The following CHAT variants were observed in gnomAD, a reference collection of about 807,000 sequenced individuals.
The protein encoded by CHAT is choline O-acetyltransferase.
Under a neutral mutation model 76.9 loss-of-function variants are expected in CHAT, and 61 were observed. The observed-to-expected ratio is 0.79, with a 90% CI of 0.65 to 0.98. The LOEUF is 0.98. Ranked by LOEUF, CHAT falls within the 50% of genes least tolerant of loss-of-function variation. The pLI is 0.00. For missense variants in CHAT, 946 were observed against 986.9 expected, an observed-to-expected ratio of 0.96 and a Z score of 0.56; for synonymous variants, 407 against 397.4, an observed-to-expected ratio of 1.02 and a Z score of -0.29.
intron 5 of CHAT, among the ~76,000 whole-genome samples, chr10:49,624,734 TGGATGGATG>T (rs1838854407): frequency 6.6e-6 from 1 of 150,900 alleles, no homozygotes; most frequent in Non-Finnish European, 1.5e-5. Context: ...GATGGACGGA[TGGATGGATG>T]GATGGATGGA....
At chr10:49,656,669 CA>C (rs2132836403) in intron 13 of CHAT, among the ~76,000 whole-genome samples, 1 of 152,296 alleles carries the variant, frequency 6.6e-6, no homozygotes, top group Non-Finnish European at 1.5e-5. Flanking sequence ...AAAAGCAGAG[CA>C]CAGCTTGCAA....
intron 7 of CHAT, among the ~76,000 whole-genome samples, chr10:49,642,100 C>G (rs561553027): frequency 1.3e-5 from 2 of 152,296 alleles, no homozygotes; most frequent in South Asian, 4.1e-4. Context: ...TACTCAATCC[C>G]CACCTCTCAC....
chr10:49,648,151 A>C, intron 8 of CHAT: 1 of 383,784 alleles, frequency 2.6e-6, no homozygotes, highest in Non-Finnish European at 4.9e-6. Context: ...CCCCGATGTG[A>C]GCTATGACAG....
intron 7 of CHAT, among the ~76,000 whole-genome samples, chr10:49,638,045 T>C (rs893106699): frequency 6.6e-6 from 1 of 152,242 alleles, no homozygotes; most frequent in Admixed American, 6.5e-5. Flanking sequence ...TGTTACAGTC[T>C]CCAAGTACAA....
Position 49,621,861 on chromosome 10 carries a change from AGAACCACATCTGATTAGTGCAG to A in CHAT, c.699-214_699-193del, listed in dbSNP as rs372971047. ...GCTCTCGGCATGGGGCTGGGGGGCAAGAACCACATCTGATTAGTGCAGGAACCACATCTGATTAGTGCACACG... is the reference window on the plus strand; with the variant it reads ...GCTCTCGGCATGGGGCTGGGGGGCAAGAACCACATCTGATTAGTGCACACG... On this transcript the variant is annotated intron_variant, in intron 4 of 14. Transcript: ENST00000337653. Among the ~76,000 whole-genome samples the A allele has an allele frequency of 0.025, 2,922 of 117,954 alleles. 95 individuals carry two copies. The highest frequency in any genetic ancestry group is 0.085 in the African/African-American group (2,704 of 31,820). The allele number at this position is 117,954 out of a possible 152,430, so 77.4% of individuals were successfully genotyped here.
At chr10:49,629,790 A>G (rs1231301318) in intron 7 of CHAT, among the ~76,000 whole-genome samples, 2 of 152,228 alleles carry the variant, frequency 1.3e-5, no homozygotes, top group Non-Finnish European at 2.9e-5. Context: ...TCATCTACAC[A>G]ACAGGAAACT....
intron 7 of CHAT, among the ~76,000 whole-genome samples, chr10:49,629,619 A>G (rs979123582): frequency 3.3e-5 from 5 of 152,246 alleles, no homozygotes; most frequent in Non-Finnish European, 5.9e-5. Context: ...GATTGCCCCA[A>G]GGTCTGAGCA....
chr10:49,611,039 C>T, upstream of CHAT: 1 of 1,614,004 alleles, frequency 6.2e-7, no homozygotes, highest in Non-Finnish European at 8.5e-7. Context: ...ACCTCGGCGT[C>T]CCCGACAGCT....
intron 2 of CHAT, among the ~76,000 whole-genome samples, 189 bp from the exon 3 acceptor site, chr10:49,619,536 A>G (rs533300898): frequency 2.0e-5 from 3 of 152,294 alleles, no homozygotes; most frequent in Admixed American, 6.5e-5. Flanking sequence ...ACAGAGCACA[A>G]TGAGGTCAGG....
intron 7 of CHAT, among the ~76,000 whole-genome samples, chr10:49,631,312 G>A (rs1349232478): frequency 6.6e-6 from 1 of 152,160 alleles, no homozygotes; most frequent in African/African-American, 2.4e-5. Context: ...TTGGCTTGTC[G>A]ATGCCACCTT....
intron 13 of CHAT, 145 bp from the exon 14 acceptor site, chr10:49,662,500 C>A: frequency 9.6e-7 from 1 of 1,045,630 alleles, no homozygotes; most frequent in Non-Finnish European, 1.5e-6. Context: ...AGCAGCCACT[C>A]ATACACATTG....
rs369218142 is a variant in CHAT, at chr10:49,666,832, G to C, written c.*1786G>C. Reference sequence around the variant, plus strand: ...TCTGCTTAGGAAGTTGCAGCACAAGGGTCCTGGGTTTTCTGGGGAAAGGCA... The same window carrying C: ...TCTGCTTAGGAAGTTGCAGCACAAGCGTCCTGGGTTTTCTGGGGAAAGGCA... On this transcript the variant is annotated 3_prime_UTR_variant, in exon 15 of 15. Transcript: ENST00000337653. Among the ~76,000 whole-genome samples the C allele has an allele frequency of 2.6e-5, 4 of 152,202 alleles. No homozygotes were observed. Among genetic ancestry groups the C allele is most frequent in the Non-Finnish European group, 5.9e-5 (4 of 68,038 alleles).
chr10:49,612,256 G>T, upstream of CHAT: 1 of 1,610,374 alleles, frequency 6.2e-7, no homozygotes. Context: ...TCCTGTGTCT[G>T]GCCAGGACGG....
intron 13 of CHAT, 76 bp from the exon 14 acceptor site, chr10:49,662,569 T>A: frequency 6.3e-7 from 1 of 1,584,314 alleles, no homozygotes; most frequent in Non-Finnish European, 8.6e-7. Context: ...AGCAGTCCTG[T>A]AGACTACAGA....
intron 14 of CHAT, among the ~76,000 whole-genome samples, chr10:49,663,757 G>C (rs1211606693): frequency 1.3e-5 from 2 of 152,226 alleles, no homozygotes; most frequent in Non-Finnish European, 2.9e-5. Flanking sequence ...AGCCCACTCA[G>C]TAATGGGATG....
intron 8 of CHAT, chr10:49,647,885 T>C (rs1415707843): frequency 6.1e-6 from 1 of 164,398 alleles, no homozygotes; most frequent in East Asian, 1.8e-4. Context: ...TGGGTTAGTC[T>C]ATGCTGACCT....
intron 1 of CHAT, chr10:49,616,096 T>C: frequency 1.2e-6 from 2 of 1,607,854 alleles, no homozygotes; most frequent in Non-Finnish European, 1.7e-6. Flanking sequence ...ACAGTAGGTA[T>C]GGTCTTACCC....
intron 7 of CHAT, among the ~76,000 whole-genome samples, chr10:49,631,941 A>AG (rs917831550): frequency 1.3e-5 from 2 of 150,918 alleles, no homozygotes; most frequent in Admixed American, 6.6e-5. Context: ...GGCGCAGCAC[A>AG]GAAACAAGGG....
At position 49,614,080 on chromosome 10, in the gene CHAT, T is replaced by C; in HGVS notation, c.-110T>C. On this transcript the variant is annotated 5_prime_UTR_variant, in exon 1 of 15. Transcript: ENST00000337653. ...AGGAGGCATGGGCGGGACAGTGTTC[T>C]GTGCCCCCTTCTAGAGCCTAAATTT... 1 of 1,537,914 alleles carries C rather than the reference T, an allele frequency of 6.5e-7. No homozygotes were observed. The highest frequency in any genetic ancestry group is 8.7e-7 in the Non-Finnish European group (1 of 1,143,908).
Sources: allele counts gnomAD v4.1 joint callset (sites outside exome capture counted in the v4.1 genomes callset), GRCh38; gene constraint gnomAD v4.1.1; transcripts MANE v1.5; gene names NCBI Gene and HGNC (gene_info 2026-07-23, HGNC 2026-07-21).